Variants in CACNA2D3 observed in about 807,000 individuals in gnomAD.
CACNA2D3 encodes the protein calcium voltage-gated channel auxiliary subunit alpha2delta 3, also known as voltage-dependent calcium channel subunit alpha-2/delta-3.
Under a neutral mutation model 160.6 loss-of-function variants are expected in CACNA2D3, and 60 were observed. The observed-to-expected ratio is 0.37, with a 90% CI of 0.30 to 0.46. The LOEUF is 0.46. Ranked by LOEUF, CACNA2D3 falls within the 20% of genes least tolerant of loss-of-function variation. The pLI is 1.00. For synonymous variants in CACNA2D3, 558 were observed against 492.9 expected, an observed-to-expected ratio of 1.13 and a Z score of -1.75; for missense variants, 1,205 against 1,365.0, an observed-to-expected ratio of 0.88 and a Z score of 1.85.
At chr3:54,141,357 G>T (rs1357618178) in intron 2 of CACNA2D3, among the ~76,000 whole-genome samples, 1 of 152,140 alleles carries the variant, frequency 6.6e-6, no homozygotes, top group African/African-American at 2.4e-5. Context: ...AGCTCCCTGT[G>T]TATGTATCAT....
At chr3:54,879,206 T>G in intron 19 of CACNA2D3, 117 bp downstream of exon 19, 1 of 860,576 alleles carries the variant, frequency 1.2e-6, no homozygotes, top group Non-Finnish European at 1.8e-6. Context: ...TTCTCTTGTC[T>G]TTACTTATCT....
At chr3:54,611,879 A>G (rs1698755715) in intron 9 of CACNA2D3, among the ~76,000 whole-genome samples, 1 of 152,248 alleles carries the variant, frequency 6.6e-6, no homozygotes, top group African/African-American at 2.4e-5. Context: ...AATTCAGCAC[A>G]CATACTGTTA....
chr3:54,543,986 CTTG>C (rs1702022827), intron 5 of CACNA2D3, among the ~76,000 whole-genome samples: 2 of 151,996 alleles, frequency 1.3e-5, no homozygotes. Context: ...TTTTGTTCCC[CTTG>C]TTGTACTGTG....
chr3:54,271,594 G>A (rs1459905993), intron 2 of CACNA2D3, among the ~76,000 whole-genome samples: 1 of 152,204 alleles, frequency 6.6e-6, no homozygotes, highest in Admixed American at 6.5e-5. Context: ...ACAAATTGAG[G>A]TGTGCAGAAA....
intron 13 of CACNA2D3, chr3:54,789,844 C>T (rs758936307): frequency 3.9e-6 from 2 of 517,230 alleles, no homozygotes; most frequent in Admixed American, 1.9e-5. Context: ...TGAGCTGGGG[C>T]TTGAGGGATC....
At chr3:54,856,774 T>TTTTG (rs1458777821) in intron 17 of CACNA2D3, among the ~76,000 whole-genome samples, 13 of 152,028 alleles carry the variant, frequency 8.6e-5, no homozygotes, top group Admixed American at 8.5e-4. Flanking sequence ...ATGATGGTTT[T>TTTTG]TTCGTTTGTT....
chr3:54,447,131 T>G (rs956269399), intron 4 of CACNA2D3, among the ~76,000 whole-genome samples: 3 of 152,208 alleles, frequency 2.0e-5, no homozygotes, highest in Admixed American at 2.0e-4. Context: ...CTTTTCTGAG[T>G]GCTAATCTGT....
intron 14 of CACNA2D3, among the ~76,000 whole-genome samples, chr3:54,831,485 A>G (rs765774058): frequency 4.6e-5 from 7 of 152,248 alleles, no homozygotes; most frequent in Non-Finnish European, 1.0e-4. Flanking sequence ...CAGCAAGCAC[A>G]TAGCCACAGC....
chr3:55,065,751 G>C (rs776049966), intron 35 of CACNA2D3, among the ~76,000 whole-genome samples: 1 of 151,804 alleles, frequency 6.6e-6, no homozygotes, highest in Non-Finnish European at 1.5e-5. Flanking sequence ...GGGAAGGAAA[G>C]GAAGGAAACG....
chr3:54,565,076 C>A (rs545775786), intron 6 of CACNA2D3, among the ~76,000 whole-genome samples: 1 of 152,226 alleles, frequency 6.6e-6, no homozygotes, highest in South Asian at 2.1e-4. Context: ...GCATCTGTCC[C>A]AGTAGCTTGG....
chr3:54,506,336 A>G (rs755180584), intron 5 of CACNA2D3, among the ~76,000 whole-genome samples: 5 of 152,210 alleles, frequency 3.3e-5, no homozygotes, highest in Non-Finnish European at 7.3e-5. Context: ...GAAGAAAACC[A>G]ATACAAGGTC....
chr3:54,785,361 A>C (rs1360899420), intron 13 of CACNA2D3, among the ~76,000 whole-genome samples: 1 of 152,134 alleles, frequency 6.6e-6, no homozygotes. Flanking sequence ...GATCTCAAAA[A>C]TCTGACATCC....
intron 4 of CACNA2D3, among the ~76,000 whole-genome samples, chr3:54,474,526 A>T (rs1700794845): frequency 6.6e-6 from 1 of 152,184 alleles, no homozygotes; most frequent in African/African-American, 2.4e-5. Flanking sequence ...CTGCACATGT[A>T]TCCCAGAACT....
intron 35 of CACNA2D3, among the ~76,000 whole-genome samples, chr3:55,051,420 C>T (rs56697604): frequency 4.7e-4 from 71 of 152,178 alleles, no homozygotes; most frequent in Non-Finnish European, 6.8e-4. Flanking sequence ...GCTGCCCGGG[C>T]GTCAGGGGTC....
chr3:54,646,194 G>GCTTGCTTCCTTCCTTC (rs1553766135), intron 11 of CACNA2D3, among the ~76,000 whole-genome samples: 3 of 13,460 alleles, frequency 2.2e-4, no homozygotes, highest in South Asian at 0.01. Flanking sequence ...CTCCTTCCTT[G>GCTTGCTTCCTTCCTTC]CTTCCTTCCT....
At chr3:54,366,527 G>A (rs1387964943) in intron 3 of CACNA2D3, among the ~76,000 whole-genome samples, 1 of 152,228 alleles carries the variant, frequency 6.6e-6, no homozygotes, top group African/African-American at 2.4e-5. Flanking sequence ...CCATTAGGAT[G>A]CAAAGATTAG....
intron 12 of CACNA2D3, among the ~76,000 whole-genome samples, chr3:54,755,139 T>C (rs1305907450): frequency 6.6e-6 from 1 of 152,148 alleles, no homozygotes; most frequent in East Asian, 1.9e-4. Flanking sequence ...GAAAGGAGTA[T>C]TTATATCTTT....
chr3:54,170,143 T>C (rs895289348), intron 2 of CACNA2D3, among the ~76,000 whole-genome samples: 1 of 150,790 alleles, frequency 6.6e-6, no homozygotes, highest in African/African-American at 2.5e-5. Flanking sequence ...TGAGCCGAGA[T>C]TGCGCTATTG....
rs1474764967 is a variant in CACNA2D3, at chr3:54,661,838, ATGTGTGTATGTGTGTGTGTGTGTG to A, written c.1167+19605_1167+19628del. Reference sequence around the variant, plus strand: ...TATGGTTCACACAGACATCTCAGGGATGTGTGTATGTGTGTGTGTGTGTGTGTGTGTGTGTGTGTGTGTGTGTGT... The same window carrying A: ...TATGGTTCACACAGACATCTCAGGGATGTGTGTGTGTGTGTGTGTGTGTGT... On this transcript the variant is annotated intron_variant, in intron 11 of 37. Transcript: ENST00000474759. 2.4e-3 allele frequency among the ~76,000 whole-genome samples: 356 copies of A among 146,828 alleles called. 1 individual carries two copies. The highest frequency in any genetic ancestry group is 3.7e-3 in the Non-Finnish European group (250 of 67,174).
Sources: allele counts gnomAD v4.1 joint callset (sites outside exome capture counted in the v4.1 genomes callset), GRCh38; gene constraint gnomAD v4.1.1; transcripts MANE v1.5; gene names NCBI Gene and HGNC (gene_info 2026-07-23, HGNC 2026-07-21).